PNPLA7: variants seen among roughly 807,000 people sequenced by gnomAD.
PNPLA7 encodes the protein patatin like domain 7, lysophospholipase, also known as patatin-like phospholipase domain-containing protein 7.
PNPLA7 carries 153 observed loss-of-function variants against 161.7 expected under a neutral mutation model. The observed-to-expected ratio is 0.95, with a 90% CI of 0.83 to 1.08. PNPLA7 has a LOEUF of 1.08. PNPLA7 is among the 50% of genes least tolerant of loss of function. The pLI, the probability that PNPLA7 is intolerant of heterozygous loss-of-function variation, is 0.00. For missense variants in PNPLA7, 1,739 were observed against 1,856.6 expected, an observed-to-expected ratio of 0.94 and a Z score of 1.16; for synonymous variants, 809 against 782.1, an observed-to-expected ratio of 1.03 and a Z score of -0.57.
chr9:137,465,914 G>A (rs1434504772), intron 26 of PNPLA7, among the ~76,000 whole-genome samples: 1 of 152,258 alleles, frequency 6.6e-6, no homozygotes, highest in South Asian at 2.1e-4. Context: ...TCTGCTGCCC[G>A]AGGGGAGCCT....
Position 137,467,215 on chromosome 9 carries a change from G to T in PNPLA7, c.3039+102C>A. The T allele has an allele frequency of 2.8e-6, 4 of 1,435,006 alleles. No individual in the cohort carries two copies. 88.9% of individuals were successfully genotyped at this position (1,435,006 alleles called of 1,614,324 possible). On this transcript the variant is annotated intron_variant, in intron 26 of 34. Coordinates refer to ENST00000406427, the MANE Select transcript of PNPLA7 (RefSeq NM_001098537.3). This position sits in a 1 kb window ranked among gnomAD's most constrained non-coding sequence, Gnocchi z 5.1. ...AGGGGGTAGCCTCCTCGAGGGCAGG[G>T]CCCTGCAGAGCCACATGCAGAGGCC...
intron 8 of PNPLA7, among the ~76,000 whole-genome samples, chr9:137,536,405 A>G (rs1835891704): frequency 1.3e-5 from 2 of 152,030 alleles, no homozygotes; most frequent in South Asian, 4.1e-4. Context: ...CCGACTGGGC[A>G]AGAGGATGGG....
chr9:137,530,331 T>C (rs1416433727), intron 8 of PNPLA7, among the ~76,000 whole-genome samples: 3 of 152,236 alleles, frequency 2.0e-5, no homozygotes, highest in Non-Finnish European at 4.4e-5. Flanking sequence ...TCCTGAGCCT[T>C]GTACAGGTTC....
Position 137,460,253 on chromosome 9 carries a change from A to G in PNPLA7, c.*140T>C. 1.4e-6 allele frequency: 1 copy of G among 724,694 alleles called. No homozygotes were observed. Among genetic ancestry groups the G allele is most frequent in the East Asian group, 2.7e-5 (1 of 36,494 alleles). 44.9% of individuals were successfully genotyped at this position (724,694 alleles called of 1,614,324 possible). On this transcript the variant is annotated 3_prime_UTR_variant, in exon 35 of 35. Transcript: ENST00000406427. ...CTGGTACAAAGAAGAGGCCCAGAGA[A>G]CCCTAACACAGCCTGGGGCCCCGGG...
intron 25 of PNPLA7, among the ~76,000 whole-genome samples, chr9:137,472,139 G>A (rs1456431921): frequency 6.6e-6 from 1 of 151,852 alleles, no homozygotes; most frequent in Non-Finnish European, 1.5e-5. Flanking sequence ...GCTCACACCT[G>A]CAGGGCCACT....
intron 24 of PNPLA7, 200 bp downstream of exon 24, chr9:137,478,856 C>T (rs1486584004): frequency 2.4e-5 from 18 of 741,280 alleles, no homozygotes; most frequent in South Asian, 7.5e-5. Context: ...CCCACTGCAC[C>T]GGCTGCTTCC....
intron 20 of PNPLA7, chr9:137,491,804 G>A (rs139738293): frequency 1.0e-6 from 1 of 985,450 alleles, no homozygotes; most frequent in Non-Finnish European, 1.2e-6. Flanking sequence ...CTCCCAGCCA[G>A]CTCACACGCC....
At chr9:137,487,165 G>A (rs956933512) in intron 20 of PNPLA7, among the ~76,000 whole-genome samples, 1 of 152,242 alleles carries the variant, frequency 6.6e-6, no homozygotes, top group Non-Finnish European at 1.5e-5. Flanking sequence ...TGCGTGCTGC[G>A]CACCGGCTGC....
chr9:137,489,862 G>A (rs1186297039), intron 20 of PNPLA7, among the ~76,000 whole-genome samples: 1 of 152,234 alleles, frequency 6.6e-6, no homozygotes, highest in Non-Finnish European at 1.5e-5. Context: ...AGACCTTGGG[G>A]ACAATAACGC....
At chr9:137,471,776 G>C (rs1831718959) in intron 25 of PNPLA7, among the ~76,000 whole-genome samples, 1 of 151,872 alleles carries the variant, frequency 6.6e-6, no homozygotes, top group Non-Finnish European at 1.5e-5. Context: ...GGGCTGGAAG[G>C]CTCAATGTTG....
At chr9:137,474,286 A>C (rs1831840328) in intron 25 of PNPLA7, among the ~76,000 whole-genome samples, 1 of 152,142 alleles carries the variant, frequency 6.6e-6, no homozygotes, top group Non-Finnish European at 1.5e-5. Context: ...GTTTGTAATA[A>C]CCAAAACCAG....
Position 137,461,570 on chromosome 9 carries a change from A to G in PNPLA7, c.3807T>C (p.Ser1269=), listed in dbSNP as rs1223735784. The change falls in exon 33 of 35, where the codon TCT becomes TCC. Residue 1269 remains serine (S), a synonymous_variant. Transcript: ENST00000406427. The part of the protein sequence containing the change: ...ASFTDLAEIV[S]RIEPAKPAMV... Reference sequence around the variant, plus strand: ...TGGCGGGCTTGGCGGGCTCAATGCGAGACACAATTTCGGCAAGGTCCGTGA... The same window carrying G: ...TGGCGGGCTTGGCGGGCTCAATGCGGGACACAATTTCGGCAAGGTCCGTGA... The G allele has an allele frequency of 6.2e-7, 1 of 1,612,588 alleles. No individual in the cohort carries two copies. The highest frequency in any genetic ancestry group is 1.3e-5 in the African/African-American group (1 of 74,876).
In PNPLA7 at chr9:137,498,163, C is replaced by A. The variant is rs749579821; in HGVS notation, c.1840G>T (p.Asp614Tyr). 5 of 1,613,050 alleles carry A rather than the reference C, an allele frequency of 3.1e-6. No homozygotes were observed. The highest frequency in any genetic ancestry group is 1.3e-5 in the African/African-American group (1 of 75,068). The change falls in exon 17 of 35, where the codon GAC (aspartate) becomes TAC (tyrosine). Residue 614 changes from aspartate to tyrosine, a missense_variant. Transcript: ENST00000406427. ...ACCTCCACCCAGTCCAGGGCAAAGT[C>A]GATTTGCCGCACGAAGGACGACATC... is the stretch of plus-strand genomic sequence containing the variant. ...KRMSSFVRQI[D>Y]FALDWVEVEA...
chr9:137,502,868 G>A (rs1331205090), intron 14 of PNPLA7, among the ~76,000 whole-genome samples: 2 of 151,644 alleles, frequency 1.3e-5, no homozygotes, highest in Admixed American at 1.3e-4. Flanking sequence ...TAAGAGTATT[G>A]TGGTTAGAGA....
chr9:137,501,926 A>G (rs533013682), intron 14 of PNPLA7, among the ~76,000 whole-genome samples, 199 bp from the exon 15 acceptor site: 52 of 152,390 alleles, frequency 3.4e-4, no homozygotes, highest in African/African-American at 8.2e-4. Flanking sequence ...AAACCAGGGC[A>G]TCGGCACAGA....
intron 8 of PNPLA7, among the ~76,000 whole-genome samples, chr9:137,529,039 C>G (rs1253884322): frequency 6.6e-6 from 1 of 152,148 alleles, no homozygotes; most frequent in Non-Finnish European, 1.5e-5. Flanking sequence ...ACTCTATCAC[C>G]TGAGCTATAC....
At chr9:137,487,736 C>T (rs990778480) in intron 20 of PNPLA7, among the ~76,000 whole-genome samples, 12 of 152,256 alleles carry the variant, frequency 7.9e-5, no homozygotes, top group African/African-American at 2.4e-4. Flanking sequence ...GGCACGGAAC[C>T]GGCTGTGCCA....
chr9:137,534,746 A>T (rs993064716), intron 8 of PNPLA7, among the ~76,000 whole-genome samples: 1 of 152,218 alleles, frequency 6.6e-6, no homozygotes, highest in Non-Finnish European at 1.5e-5. Context: ...TAGTTAACCC[A>T]TGTAACTCCC....
intron 11 of PNPLA7, chr9:137,516,625 G>A (rs576402084): frequency 5.4e-5 from 29 of 536,968 alleles, no homozygotes; most frequent in African/African-American, 4.5e-4. Context: ...CCTGGACCAC[G>A]TAGTAAGATG....
Sources: allele counts gnomAD v4.1 joint callset (sites outside exome capture counted in the v4.1 genomes callset), GRCh38; gene constraint gnomAD v4.1.1; non-coding constraint Gnocchi (gnomAD v3.1); transcripts MANE v1.5; gene names NCBI Gene and HGNC (gene_info 2026-07-23, HGNC 2026-07-21).